The following SDK1 variants were observed in gnomAD, a reference collection of about 807,000 sequenced individuals.
SDK1 encodes protein sidekick-1.
SDK1 carries 157 observed loss-of-function variants against 245.5 expected under a neutral mutation model. The ratio of observed to expected loss-of-function variants is 0.64; its 90% CI spans 0.56 to 0.73. SDK1 has a LOEUF of 0.73. Ranked by LOEUF, SDK1 falls within the 30% of genes least tolerant of loss-of-function variation. SDK1 has a pLI of 0.00. For missense variants in SDK1, 3,583 were observed against 3,002.3 expected, an observed-to-expected ratio of 1.19 and a Z score of -4.52; for synonymous variants, 1,647 against 1,278.5, an observed-to-expected ratio of 1.29 and a Z score of -6.15.
At chr7:3,525,632 T>TC (rs1029156349) in intron 1 of SDK1, among the ~76,000 whole-genome samples, 5 of 152,092 alleles carry the variant, frequency 3.3e-5, no homozygotes, top group African/African-American at 9.7e-5. Context: ...GTCTTTTTTT[T>TC]CTCTTAGAGC....
chr7:4,230,604 T>G (rs1441344838), intron 40 of SDK1, among the ~76,000 whole-genome samples: 1 of 151,462 alleles, frequency 6.6e-6, no homozygotes, highest in Non-Finnish European at 1.5e-5. Flanking sequence ...GATGGATGAT[T>G]ACTTAGGAAG....
chr7:4,097,987 G>A (rs560918929), intron 22 of SDK1, among the ~76,000 whole-genome samples: 5 of 152,218 alleles, frequency 3.3e-5, no homozygotes, highest in Admixed American at 1.3e-4. Context: ...CTGCCTAAGC[G>A]TTTAGGTGCT....
chr7:3,459,474 C>T (rs910150618), intron 1 of SDK1, among the ~76,000 whole-genome samples: 7 of 152,174 alleles, frequency 4.6e-5, no homozygotes, highest in African/African-American at 7.2e-5. Context: ...TTCTGCCTGC[C>T]TTTCTGCTTC....
chr7:3,507,825 C>T (rs1054181008), intron 1 of SDK1, among the ~76,000 whole-genome samples: 5 of 152,096 alleles, frequency 3.3e-5, no homozygotes, highest in African/African-American at 1.2e-4. Context: ...CTGGACCTGC[C>T]CTTATCTAAT....
intron 23 of SDK1, among the ~76,000 whole-genome samples, chr7:4,111,565 A>T (rs546344958): frequency 1.3e-5 from 2 of 152,182 alleles, no homozygotes; most frequent in African/African-American, 4.8e-5. Flanking sequence ...TTTAGCTTCT[A>T]TTCATTTTAA....
chr7:3,933,841 C>G (rs1216171792), intron 5 of SDK1, among the ~76,000 whole-genome samples: 1 of 152,130 alleles, frequency 6.6e-6, no homozygotes, highest in Non-Finnish European at 1.5e-5. Context: ...AGGGGGGTGA[C>G]CTGTTGGTCC....
At chr7:3,489,120 C>G (rs1352898002) in intron 1 of SDK1, among the ~76,000 whole-genome samples, 1 of 152,138 alleles carries the variant, frequency 6.6e-6, no homozygotes, top group African/African-American at 2.4e-5. Context: ...TCCCTGCAGA[C>G]ATAGCCCCTG....
At chr7:4,163,623 G>A (rs1381672662) in intron 32 of SDK1, among the ~76,000 whole-genome samples, 1 of 152,224 alleles carries the variant, frequency 6.6e-6, no homozygotes, top group East Asian at 1.9e-4. Context: ...TCCAGGACCA[G>A]GCTAGGACAG....
At chr7:4,101,436 C>T (rs574230141) in intron 22 of SDK1, among the ~76,000 whole-genome samples, 45 of 152,302 alleles carry the variant, frequency 3.0e-4, no homozygotes, top group South Asian at 6.2e-4. Flanking sequence ...CGTGAGCCAC[C>T]GCACCCGGCG....
At chr7:3,514,772 T>A (rs184396719) in intron 1 of SDK1, among the ~76,000 whole-genome samples, 290 of 152,274 alleles carry the variant, frequency 1.9e-3, no homozygotes, top group Non-Finnish European at 3.2e-3. Context: ...GTACATTGTT[T>A]TATGCCCAGC....
At chr7:3,308,379 G>C (rs1406341512) in intron 1 of SDK1, among the ~76,000 whole-genome samples, 1 of 152,088 alleles carries the variant, frequency 6.6e-6, no homozygotes, top group Non-Finnish European at 1.5e-5. Context: ...TTAACATAAT[G>C]TTATGTTGGT....
At chr7:3,581,632 A>T (rs1780500180) in intron 1 of SDK1, among the ~76,000 whole-genome samples, 1 of 152,210 alleles carries the variant, frequency 6.6e-6, no homozygotes, top group South Asian at 2.1e-4. Context: ...TCAACCCAGG[A>T]ATCCCATTAA....
intron 1 of SDK1, among the ~76,000 whole-genome samples, chr7:3,346,975 G>C (rs1780525725): frequency 6.6e-6 from 1 of 150,564 alleles, no homozygotes; most frequent in Non-Finnish European, 1.5e-5. Flanking sequence ...CCAGCCCTGA[G>C]AGAATTATTT....
In SDK1 at chr7:3,819,867, A is replaced by C. The variant is rs1025516481; in HGVS notation, c.714-1583A>C. 2.0e-5 allele frequency among the ~76,000 whole-genome samples: 3 copies of C among 152,182 alleles called. No homozygotes were observed. The East Asian group carries it at 5.8e-4, about 29-fold the overall frequency. Reference sequence around the variant, plus strand: ...TCTGCAAAAGGTAGCAGGAAGAAAAAGGATTATTATAATGCTAAAATTCCT... The same window carrying C: ...TCTGCAAAAGGTAGCAGGAAGAAAACGGATTATTATAATGCTAAAATTCCT... On this transcript the variant is annotated intron_variant, in intron 4 of 44. Transcript: ENST00000404826.
chr7:3,565,100 T>C (rs1004796628), intron 1 of SDK1, among the ~76,000 whole-genome samples: 69 of 151,906 alleles, frequency 4.5e-4, no homozygotes, highest in Non-Finnish European at 8.5e-4. Flanking sequence ...ACTGTCACTT[T>C]TATTACTTTT....
At chr7:4,097,750 T>C (rs1782250438) in intron 22 of SDK1, among the ~76,000 whole-genome samples, 1 of 152,212 alleles carries the variant, frequency 6.6e-6, no homozygotes, top group Admixed American at 6.5e-5. Flanking sequence ...GAGACCTGTC[T>C]GTGGCCCTTT....
intron 22 of SDK1, among the ~76,000 whole-genome samples, chr7:4,089,660 T>TGG (rs1177335268): frequency 6.6e-6 from 1 of 152,238 alleles, no homozygotes; most frequent in Non-Finnish European, 1.5e-5. Flanking sequence ...GGTGACTCCC[T>TGG]GGGGCTGCCT....
intron 1 of SDK1, among the ~76,000 whole-genome samples, chr7:3,403,869 A>ATATATTTT (rs1554266408): frequency 1.1e-5 from 1 of 88,902 alleles, no homozygotes; most frequent in African/African-American, 4.5e-5. Flanking sequence ...ATATATATAT[A>ATATATTTT]ATATATATAT....
intron 22 of SDK1, among the ~76,000 whole-genome samples, chr7:4,085,556 T>A (rs765961759): frequency 1.4e-4 from 21 of 152,178 alleles, no homozygotes; most frequent in South Asian, 2.1e-4. Flanking sequence ...TTTACATTTT[T>A]TTTATTTATT....
Sources: allele counts gnomAD v4.1 joint callset (sites outside exome capture counted in the v4.1 genomes callset), GRCh38; gene constraint gnomAD v4.1.1; transcripts MANE v1.5; gene names NCBI Gene and HGNC (gene_info 2026-07-23, HGNC 2026-07-21).